Variants in DOCK7 observed in about 807,000 individuals in gnomAD.
DOCK7 encodes dedicator of cytokinesis 7.
DOCK7 carries 138 observed loss-of-function variants against 271.0 expected under a neutral mutation model. The ratio of observed to expected loss-of-function variants is 0.51; its 90% CI spans 0.44 to 0.59. The LOEUF (loss-of-function observed/expected upper bound fraction) is 0.59, where lower values mean the gene tolerates loss of function less well. DOCK7 is among the 20% of genes least tolerant of loss of function. The probability of loss-of-function intolerance (pLI) is 0.00; values close to 1 mark genes in which losing one functional copy is unlikely to be tolerated. For synonymous variants in DOCK7, 823 were observed against 876.1 expected, an observed-to-expected ratio of 0.94 and a Z score of 1.07; for missense variants, 2,066 against 2,592.4, an observed-to-expected ratio of 0.80 and a Z score of 4.41.
chr1:62,677,303 A>G (rs1239263753), intron 1 of DOCK7, among the ~76,000 whole-genome samples: 4 of 152,178 alleles, frequency 2.6e-5, no homozygotes, highest in Non-Finnish European at 5.9e-5. Flanking sequence ...AATTGGTTCA[A>G]GGAAGGACAT....
chr1:62,549,376 A>G (rs1026154368), intron 22 of DOCK7, among the ~76,000 whole-genome samples: 1 of 152,222 alleles, frequency 6.6e-6, no homozygotes, highest in Non-Finnish European at 1.5e-5. Context: ...AGTAGAGATG[A>G]TAGAAGTAAA....
At chr1:62,667,347 A>G (rs1329063058) in intron 1 of DOCK7, among the ~76,000 whole-genome samples, 2 of 152,236 alleles carry the variant, frequency 1.3e-5, no homozygotes, top group Admixed American at 6.5e-5. Context: ...GATAGAAGTC[A>G]GGGAAGAAAT....
intron 1 of DOCK7, 22 bp downstream of exon 1, chr1:62,688,205 G>A: frequency 1.5e-6 from 2 of 1,369,834 alleles, no homozygotes; most frequent in South Asian, 1.7e-5. Flanking sequence ...CGGCGGCGGC[G>A]CGCCCCACGC....
intron 14 of DOCK7, among the ~76,000 whole-genome samples, chr1:62,591,886 G>A (rs1648502782): frequency 6.6e-6 from 1 of 152,056 alleles, no homozygotes; most frequent in Admixed American, 6.6e-5. Flanking sequence ...AAATACATGA[G>A]GGCAGGGACC....
rs1235446590 is a variant in DOCK7, at chr1:62,517,765, T to C, written c.3937-3867A>G. On this transcript the variant is annotated intron_variant, in intron 31 of 49. Transcript: ENST00000635253. Reference sequence around the variant, plus strand: ...TATTTCTTCATTGCTAGAAGGAATATATATTGCTAGAACCACACTGGAAAA... The same window carrying C: ...TATTTCTTCATTGCTAGAAGGAATACATATTGCTAGAACCACACTGGAAAA... Among the ~76,000 whole-genome samples the C allele has an allele frequency of 4.6e-5, 7 of 152,228 alleles. 1 individual carries two copies. The highest frequency in any genetic ancestry group is 2.1e-4 in the South Asian group (1 of 4,832).
At chr1:62,603,228 T>C (rs570490399) in intron 14 of DOCK7, among the ~76,000 whole-genome samples, 8 of 151,608 alleles carry the variant, frequency 5.3e-5, no homozygotes, top group Non-Finnish European at 8.9e-5. Flanking sequence ...AGCAACCCAT[T>C]TGTACTTGTA....
rs933165504 is a variant in DOCK7, at chr1:62,584,091, A to G, written c.1801-837T>C. On this transcript the variant is annotated intron_variant, in intron 15 of 49. Coordinates refer to ENST00000635253, the MANE Select transcript of DOCK7 (RefSeq NM_001367561.1). ...ATATGTGAACATGTCAGACAATTCC[A>G]TCAACACAACTGGTAAAACAACTCA... The G allele has an allele frequency of 4.3e-6, 4 of 926,078 alleles. No homozygotes were observed. In the African/African-American group the frequency reaches 7.2e-5, roughly 17 times the overall value. 57.4% of individuals were successfully genotyped at this position (926,078 alleles called of 1,614,324 possible).
intron 14 of DOCK7, chr1:62,603,865 A>T (rs1386043033): frequency 2.7e-6 from 3 of 1,095,690 alleles, no homozygotes; most frequent in East Asian, 2.4e-5. Context: ...GGGATTCAAG[A>T]CTAAACAACT....
intron 4 of DOCK7, among the ~76,000 whole-genome samples, chr1:62,650,426 C>A (rs1657188014): frequency 6.6e-6 from 1 of 152,046 alleles, no homozygotes; most frequent in Admixed American, 6.6e-5. Flanking sequence ...AATTTCATGG[C>A]TTCCAAAATT....
At chr1:62,619,786 AT>A (rs1397649183) in intron 13 of DOCK7, 113 bp downstream of exon 13, 1 of 555,646 alleles carries the variant, frequency 1.8e-6, no homozygotes, top group African/African-American at 2.1e-5. Flanking sequence ...GGCATTGGGC[AT>A]AGAAAAATGT....
chr1:62,541,051 C>T (rs1645512768), intron 25 of DOCK7, among the ~76,000 whole-genome samples: 1 of 152,170 alleles, frequency 6.6e-6, no homozygotes. Context: ...CTATGACATA[C>T]TCTGGAAGAT....
chr1:62,484,677 A>G (rs912766913), intron 43 of DOCK7: 5 of 152,122 alleles, frequency 3.3e-5, no homozygotes, highest in African/African-American at 1.2e-4. Flanking sequence ...TTCTGTAGAG[A>G]TGGTCTCACT....
chr1:62,650,661 A>C (rs1245170010), intron 4 of DOCK7, among the ~76,000 whole-genome samples: 1 of 152,240 alleles, frequency 6.6e-6, no homozygotes, highest in African/African-American at 2.4e-5. Context: ...TCTCAAAAGA[A>C]GACATTTCTG....
chr1:62,566,483 T>C (rs1307325478), intron 18 of DOCK7, among the ~76,000 whole-genome samples: 1 of 152,206 alleles, frequency 6.6e-6, no homozygotes, highest in African/African-American at 2.4e-5. Flanking sequence ...TTGGGAAAAC[T>C]GGCTAGTCAT....
intron 8 of DOCK7, 48 bp from the exon 9 acceptor site, chr1:62,634,970 TG>T (rs1655075681): frequency 3.0e-6 from 4 of 1,312,392 alleles, no homozygotes; most frequent in Non-Finnish European, 4.2e-6. Flanking sequence ...CATTTTACAG[TG>T]TCTATTTCTT....
intron 22 of DOCK7, among the ~76,000 whole-genome samples, chr1:62,548,173 T>A (rs1645774182): frequency 2.0e-5 from 3 of 148,190 alleles, no homozygotes; most frequent in South Asian, 4.2e-4. Flanking sequence ...AACATAAGAA[T>A]AATTAATTCA....
intron 1 of DOCK7, among the ~76,000 whole-genome samples, chr1:62,674,203 AAAAAT>A (rs1200161773): frequency 6.6e-6 from 1 of 152,210 alleles, no homozygotes; most frequent in African/African-American, 2.4e-5. Context: ...TCAAAAGATC[AAAAAT>A]AAAATATTTA....
At chr1:62,566,555 T>C (rs1035776698) in intron 18 of DOCK7, among the ~76,000 whole-genome samples, 1 of 152,116 alleles carries the variant, frequency 6.6e-6, no homozygotes. Flanking sequence ...TCAGGATGGA[T>C]TAAAAACTTA....
intron 1 of DOCK7, among the ~76,000 whole-genome samples, chr1:62,680,862 G>A (rs1420940098): frequency 7.9e-5 from 12 of 151,852 alleles, no homozygotes; most frequent in Non-Finnish European, 1.0e-4. Flanking sequence ...TTAGAATGGC[G>A]ATCATTAAAA....
Sources: allele counts gnomAD v4.1 joint callset (sites outside exome capture counted in the v4.1 genomes callset), GRCh38; gene constraint gnomAD v4.1.1; transcripts MANE v1.5; gene names NCBI Gene and HGNC (gene_info 2026-07-23, HGNC 2026-07-21).